Variants in STARD13 observed in about 807,000 individuals in gnomAD.
STARD13 encodes StAR related lipid transfer domain containing 13.
Under a neutral mutation model 106.4 loss-of-function variants are expected in STARD13, and 62 were observed. The observed-to-expected ratio is 0.58, with a 90% CI of 0.48 to 0.72. The LOEUF (loss-of-function observed/expected upper bound fraction) is 0.72. STARD13 is among the 30% of genes least tolerant of loss of function. STARD13 has a pLI of 0.00. For synonymous variants in STARD13, 565 were observed against 553.0 expected (o/e 1.02, Z -0.31); for missense variants, 1,387 against 1,424.0 (o/e 0.97, Z 0.42).
chr13:33,464,370 A>G, the STARD13 span, among the ~76,000 whole-genome samples: 1 of 152,218 alleles, frequency 6.6e-6, no homozygotes, highest in African/African-American at 2.4e-5. Flanking sequence ...TATACAAGTC[A>G]ATTATTGTAA....
At position 33,297,161 on chromosome 13, in the gene STARD13, T is replaced by A. The variant is rs111893419; in HGVS notation, c.124+53129A>T. Among the ~76,000 whole-genome samples, 1,266 of 152,342 alleles carry A rather than the reference T, an allele frequency of 8.3e-3. 18 individuals carry two copies. The highest frequency in any genetic ancestry group is 0.028 in the African/African-American group (1,185 of 41,582). On this transcript the variant is annotated intron_variant, in intron 1 of 5. Transcript: ENST00000567873. ...GCGTGATGCTTATCACAGCACGCAG[T>A]GGCCTCTGGCCAGTCTCCCAGAGCA...
At chr13:33,171,406 G>C (rs1237468160) in intron 1 of STARD13, among the ~76,000 whole-genome samples, 1 of 152,198 alleles carries the variant, frequency 6.6e-6, no homozygotes, top group Non-Finnish European at 1.5e-5. Context: ...ATTATGAAAA[G>C]ATTTCTATGT....
chr13:33,464,570 C>T, the STARD13 span, among the ~76,000 whole-genome samples: 1 of 152,144 alleles, frequency 6.6e-6, no homozygotes, highest in Admixed American at 6.5e-5. Flanking sequence ...TGTATTGAGG[C>T]TGGGCATGGT....
rs2078043762 is a variant in STARD13 at position 33,348,985 on chromosome 13, C to T, written c.*164G>A. ...AGGTGCTATAGATTCTGGGCATCTT[C>T]CCCAGAATGCTTTCAGGCTGATGAG... On this transcript the variant is annotated 3_prime_UTR_variant, in exon 2 of 2. Coordinates refer to the STARD13 transcript ENST00000439831. 8 of 614,340 alleles carry T rather than the reference C, an allele frequency of 1.3e-5. No individual in the cohort carries two copies. In the South Asian group the frequency reaches 1.5e-4, roughly 11 times the overall value. The allele number at this position is 614,340 out of a possible 1,614,324, so 38.1% of individuals were successfully genotyped here.
chr13:33,651,340 CA>C, the STARD13 span, among the ~76,000 whole-genome samples: 1 of 152,094 alleles, frequency 6.6e-6, no homozygotes, highest in Non-Finnish European at 1.5e-5. Flanking sequence ...TGTAAGACAT[CA>C]AAGAAAAATA....
chr13:33,177,986 A>G lies in STARD13; in HGVS notation c.170-10364T>C, dbSNP rs79837078. 7.7e-4 allele frequency among the ~76,000 whole-genome samples: 6 copies of G among 7,754 alleles called. 1 individual carries two copies. The highest frequency in any genetic ancestry group is 1.2e-3 in the African/African-American group (1 of 802). 5.1% of individuals were successfully genotyped at this position (7,754 alleles called of 152,430 possible). A position where few individuals can be genotyped will look rare whatever the true frequency, so the allele number is the denominator to read the frequency against. On this transcript the variant is annotated intron_variant, in intron 1 of 13. Coordinates refer to ENST00000336934, the MANE Select transcript of STARD13 (RefSeq NM_178006.4). ...GAAGGAAGGAAGGAAGGAAGGAAGG[A>G]AAGGAAGGAAGGAAGGAAGGAAGGA...
rs577119620 is a variant in STARD13, at chr13:33,205,098, G to A, written c.170-37476C>T. On this transcript the variant is annotated intron_variant, in intron 1 of 13. Transcript: ENST00000336934. ...CGAATCCTGGCCTAATAAAACATGCGACATATGACATCGAACGCAAACCAC... is the reference window on the plus strand; with the variant it reads ...CGAATCCTGGCCTAATAAAACATGCAACATATGACATCGAACGCAAACCAC... Among the ~76,000 whole-genome samples the A allele has an allele frequency of 2.6e-3, 390 of 152,170 alleles. 6 individuals are homozygous for A. The highest frequency in any genetic ancestry group is 2.6e-4 in the Non-Finnish European group (18 of 68,020).
intron 1 of STARD13, among the ~76,000 whole-genome samples, chr13:33,209,447 C>G (rs893006486): frequency 1.5e-5 from 2 of 132,652 alleles, no homozygotes; most frequent in African/African-American, 5.7e-5. Context: ...TGAATCTTCT[C>G]TCTCTCTCTC....
Position 33,111,758 on chromosome 13 carries a change from G to A in STARD13, c.2607+20C>T, listed in dbSNP as rs757853139. The A allele has an allele frequency of 1.1e-5, 16 of 1,518,640 alleles. No homozygotes were observed. The highest frequency in any genetic ancestry group is 1.7e-4 in the Middle Eastern group (1 of 5,856). The allele number at this position is 1,518,640 out of a possible 1,614,324, so 94.1% of individuals were successfully genotyped here. A position where few individuals can be genotyped will look rare whatever the true frequency, so the allele number is the denominator to read the frequency against. ...TTCCAAGAGCTACTAGGGAGGCGGAGGTTCGAGCCTTTTGCTCACCTCAAA... is the reference window on the plus strand; with the variant it reads ...TTCCAAGAGCTACTAGGGAGGCGGAAGTTCGAGCCTTTTGCTCACCTCAAA... On this transcript the variant is annotated intron_variant, in intron 10 of 13. Coordinates refer to ENST00000336934, the MANE Select transcript of STARD13 (RefSeq NM_178006.4).
At chr13:33,339,382 C>T (rs2077933944) in intron 1 of STARD13, among the ~76,000 whole-genome samples, 1 of 152,176 alleles carries the variant, frequency 6.6e-6, no homozygotes, top group Non-Finnish European at 1.5e-5. Flanking sequence ...AGTTAAAGGA[C>T]ATGCATTTAA....
the STARD13 span, among the ~76,000 whole-genome samples, chr13:33,659,220 CT>C: frequency 3.7e-3 from 126 of 34,166 alleles, 4 homozygotes; most frequent in East Asian, 0.036. Flanking sequence ...TGGGTTTTTT[CT>C]TTTTTTTTTT....
chr13:33,380,437 G>A, the STARD13 span, among the ~76,000 whole-genome samples: 1 of 149,640 alleles, frequency 6.7e-6, no homozygotes, highest in African/African-American at 2.5e-5. Context: ...AAAAAAGGTG[G>A]AGAATACCCC....
chr13:33,567,274 A>G, the STARD13 span, among the ~76,000 whole-genome samples: 1 of 148,594 alleles, frequency 6.7e-6, no homozygotes. Flanking sequence ...GCTGAATTTT[A>G]CCTGGAGAGG....
At chr13:33,200,323 A>G (rs1308364106) in intron 1 of STARD13, among the ~76,000 whole-genome samples, 1 of 152,204 alleles carries the variant, frequency 6.6e-6, no homozygotes, top group East Asian at 1.9e-4. Context: ...TAAATGACCT[A>G]TTCGTCCCTG....
At chr13:33,619,878 C>CATGGT in the STARD13 span, among the ~76,000 whole-genome samples, 5 of 152,134 alleles carry the variant, frequency 3.3e-5, no homozygotes, top group Non-Finnish European at 7.4e-5. Flanking sequence ...GCCTGGCCGA[C>CATGGT]ATGGTGAAAC....
the STARD13 span, among the ~76,000 whole-genome samples, chr13:33,584,774 G>A: frequency 0.012 from 1,769 of 151,860 alleles, 17 homozygotes; most frequent in Non-Finnish European, 0.017. Context: ...TCATGGGAGC[G>A]GATTTCTCAT....
At chr13:33,576,971 T>TA in the STARD13 span, among the ~76,000 whole-genome samples, 5 of 152,190 alleles carry the variant, frequency 3.3e-5, no homozygotes, top group Non-Finnish European at 2.9e-5. Context: ...CACTGATCTT[T>TA]AAAAAACTCC....
At chr13:33,518,592 T>C in the STARD13 span, among the ~76,000 whole-genome samples, 1 of 151,976 alleles carries the variant, frequency 6.6e-6, no homozygotes, top group Non-Finnish European at 1.5e-5. Flanking sequence ...CGGTCTTAAC[T>C]GTAGAGAAGG....
chr13:33,460,717 A>G, the STARD13 span, among the ~76,000 whole-genome samples: 1 of 152,002 alleles, frequency 6.6e-6, no homozygotes, highest in African/African-American at 2.4e-5. Context: ...CTAAAGCATC[A>G]TGTAGAATCA....
Sources: allele counts gnomAD v4.1 joint callset (sites outside exome capture counted in the v4.1 genomes callset), GRCh38; gene constraint gnomAD v4.1.1; transcripts MANE v1.5; gene names NCBI Gene and HGNC (gene_info 2026-07-23, HGNC 2026-07-21).